ANKS1B: variants seen among roughly 807,000 people sequenced by gnomAD.
ANKS1B encodes ankyrin repeat and sterile alpha motif domain-containing protein 1B.
In ANKS1B, 36 loss-of-function variants were observed where a neutral mutation model predicts 148.3. The ratio of observed to expected loss-of-function variants is 0.24; its 90% CI spans 0.19 to 0.32. The LOEUF is 0.32. Ranked by LOEUF, ANKS1B falls within the 10% of genes least tolerant of loss-of-function variation. The pLI is 1.00. For synonymous variants in ANKS1B, 542 were observed against 560.8 expected (o/e 0.97, Z 0.47); for missense variants, 1,157 against 1,542.6 (o/e 0.75, Z 4.19).
At chr12:99,785,520 G>A (rs1368596108) in intron 4 of ANKS1B, among the ~76,000 whole-genome samples, 4 of 151,550 alleles carry the variant, frequency 2.6e-5, no homozygotes, top group African/African-American at 4.9e-5. Flanking sequence ...TGCAACCTCC[G>A]TCTCCCAGGT....
chr12:99,073,385 T>C (rs2046860846), intron 16 of ANKS1B, among the ~76,000 whole-genome samples: 1 of 152,196 alleles, frequency 6.6e-6, no homozygotes, highest in Admixed American at 6.5e-5. Flanking sequence ...TTTGCTCTCT[T>C]AGAGAATGAC....
chr12:98,912,238 C>A (rs1322530183), intron 17 of ANKS1B, among the ~76,000 whole-genome samples: 1 of 152,122 alleles, frequency 6.6e-6, no homozygotes, highest in African/African-American at 2.4e-5. Flanking sequence ...GGTTATGAAC[C>A]ATGGCAGCCT....
intron 14 of ANKS1B, among the ~76,000 whole-genome samples, chr12:99,205,888 G>T (rs1475917106): frequency 6.6e-6 from 1 of 152,174 alleles, no homozygotes; most frequent in African/African-American, 2.4e-5. Context: ...TAATTGCTTT[G>T]TCTTGAGCAC....
intron 17 of ANKS1B, among the ~76,000 whole-genome samples, chr12:99,051,904 T>A (rs1467192647): frequency 6.6e-6 from 1 of 152,244 alleles, no homozygotes; most frequent in Non-Finnish European, 1.5e-5. Context: ...AGCAATGGCA[T>A]GTAATGTGTA....
intron 17 of ANKS1B, among the ~76,000 whole-genome samples, chr12:98,997,404 A>ATT (rs34655015): frequency 6.7e-4 from 93 of 138,312 alleles, no homozygotes; most frequent in Non-Finnish European, 9.6e-4. Flanking sequence ...AGTGTTTGCA[A>ATT]TTTTTTTTTT....
chr12:99,984,389 G>C lies in ANKS1B; in HGVS notation c.-152C>G. 1.9e-5 allele frequency: 7 copies of C among 378,296 alleles called. No homozygotes were observed. The highest frequency in any genetic ancestry group is 1.8e-4 in the East Asian group (3 of 16,906). 23.4% of individuals were successfully genotyped at this position (378,296 alleles called of 1,614,324 possible). On this transcript the variant is annotated 5_prime_UTR_variant, in exon 1 of 27. Transcript: ENST00000683438. ...AGAGCTCCCTGCAGCCCCAGGCAGG[G>C]AGCACGACTCTCTCCTCCTCTTCGG...
chr12:98,789,419 G>GC (rs2098827944), intron 22 of ANKS1B, among the ~76,000 whole-genome samples: 1 of 147,276 alleles, frequency 6.8e-6, no homozygotes, highest in Non-Finnish European at 1.5e-5. Flanking sequence ...AAGATGTATA[G>GC]TTTTTTTTTT....
chr12:99,907,958 T>C (rs1351351457), intron 1 of ANKS1B, among the ~76,000 whole-genome samples: 1 of 151,614 alleles, frequency 6.6e-6, no homozygotes, highest in Non-Finnish European at 1.5e-5. Flanking sequence ...TAGAAAGGAC[T>C]AAGAGCAAAT....
At position 99,139,566 on chromosome 12, in the gene ANKS1B, A is replaced by T. The variant is rs937933977; in HGVS notation, c.2526+14723T>A. On this transcript the variant is annotated intron_variant, in intron 15 of 26. Coordinates refer to ENST00000683438, the MANE Select transcript of ANKS1B (RefSeq NM_001352186.2). ...CTGGCTGGGATTACAGGTGCAAGCCACTGTGCGCAGCCAGTCATAGATTTC... is the reference window on the plus strand; with the variant it reads ...CTGGCTGGGATTACAGGTGCAAGCCTCTGTGCGCAGCCAGTCATAGATTTC... Among the ~76,000 whole-genome samples, 6 of 146,252 alleles carry T rather than the reference A, an allele frequency of 4.1e-5. No homozygotes were observed. The Admixed American group carries it at 4.2e-4, about 10-fold the overall frequency.
chr12:99,223,997 T>C (rs1001640082), intron 14 of ANKS1B, among the ~76,000 whole-genome samples: 1 of 152,320 alleles, frequency 6.6e-6, no homozygotes, highest in South Asian at 2.1e-4. Flanking sequence ...TGTATTAATT[T>C]TGTTCACAGA....
At chr12:99,785,474 C>A (rs537360164) in intron 4 of ANKS1B, among the ~76,000 whole-genome samples, 6 of 152,002 alleles carry the variant, frequency 3.9e-5, no homozygotes, top group East Asian at 1.9e-4. Context: ...TGCTCTCTCG[C>A]CCAGGCTGGA....
chr12:99,189,869 G>A (rs138184056), intron 14 of ANKS1B, among the ~76,000 whole-genome samples: 116 of 152,154 alleles, frequency 7.6e-4, no homozygotes, highest in African/African-American at 2.1e-3. Flanking sequence ...AGAAATAAAG[G>A]GTATTCAAAT....
At chr12:99,205,824 A>G (rs1480845024) in intron 14 of ANKS1B, among the ~76,000 whole-genome samples, 1 of 152,238 alleles carries the variant, frequency 6.6e-6, no homozygotes, top group Admixed American at 6.5e-5. Flanking sequence ...TTATTACTGC[A>G]GGGAGTCAGA....
chr12:98,955,781 T>C (rs2099861194), intron 17 of ANKS1B, among the ~76,000 whole-genome samples: 1 of 152,194 alleles, frequency 6.6e-6, no homozygotes, highest in Non-Finnish European at 1.5e-5. Context: ...AAGTCTTTTT[T>C]AGGGAAGATT....
chr12:99,200,935 G>C (rs952771915), intron 14 of ANKS1B, among the ~76,000 whole-genome samples: 1 of 152,198 alleles, frequency 6.6e-6, no homozygotes, highest in Non-Finnish European at 1.5e-5. Context: ...AGGAAATAGA[G>C]TGGAGACTGC....
intron 1 of ANKS1B, among the ~76,000 whole-genome samples, chr12:99,949,197 G>T (rs889538775): frequency 1.3e-5 from 2 of 152,170 alleles, no homozygotes; most frequent in Admixed American, 1.3e-4. Context: ...CTCTCCCAAA[G>T]AAGAGGCAAA....
intron 12 of ANKS1B, among the ~76,000 whole-genome samples, chr12:99,368,856 C>T (rs755819048): frequency 1.7e-4 from 26 of 152,140 alleles, no homozygotes; most frequent in Non-Finnish European, 3.2e-4. Context: ...GAAAAGCTGT[C>T]GCCAATACCC....
chr12:99,036,290 T>C (rs1232804958), intron 17 of ANKS1B, among the ~76,000 whole-genome samples: 1 of 152,036 alleles, frequency 6.6e-6, no homozygotes, highest in Non-Finnish European at 1.5e-5. Context: ...TATCATCTTA[T>C]ATATATGGAA....
intron 17 of ANKS1B, among the ~76,000 whole-genome samples, chr12:98,877,321 C>T (rs544699706): frequency 7.2e-5 from 11 of 152,340 alleles, no homozygotes; most frequent in African/African-American, 1.9e-4. Flanking sequence ...TCTCTCCAAA[C>T]GTACTGCTGC....
Sources: gnomAD v4.1 joint callset for allele counts (sites outside exome capture counted in the v4.1 genomes callset) on GRCh38, gnomAD v4.1.1 for gene constraint, MANE v1.5 for transcripts, NCBI Gene and HGNC (gene_info 2026-07-23, HGNC 2026-07-21) for gene names.